Variants in COPG2 observed in about 807,000 individuals in gnomAD.
COPG2 encodes coatomer subunit gamma-2.
In COPG2, 37 loss-of-function variants were observed where a neutral mutation model predicts 46.3. The ratio of observed to expected loss-of-function variants is 0.80; its 90% CI spans 0.61 to 1.05. The LOEUF (loss-of-function observed/expected upper bound fraction) is 1.05, where lower values mean the gene tolerates loss of function less well. Ranked by LOEUF, COPG2 falls within the 50% of genes least tolerant of loss-of-function variation. The pLI, the probability that COPG2 is intolerant of heterozygous loss-of-function variation, is 0.00. For missense variants in COPG2, 427 were observed against 387.8 expected, an observed-to-expected ratio of 1.10 and a Z score of -0.85; for synonymous variants, 159 against 129.7, an observed-to-expected ratio of 1.23 and a Z score of -1.53.
At chr7:130,565,178 G>T (rs936379147) in intron 9 of COPG2, among the ~76,000 whole-genome samples, 4 of 152,222 alleles carry the variant, frequency 2.6e-5, no homozygotes, top group Non-Finnish European at 5.9e-5. Flanking sequence ...GCTTGACTCT[G>T]AGGCTCTGCA....
intron 5 of COPG2, among the ~76,000 whole-genome samples, chr7:130,629,687 C>T (rs973770433): frequency 6.6e-6 from 1 of 152,018 alleles, no homozygotes; most frequent in Non-Finnish European, 1.5e-5. Flanking sequence ...TGCGCCACCA[C>T]GCCTAGCCCT....
chr7:130,613,218 T>C (rs1454243668), intron 7 of COPG2, among the ~76,000 whole-genome samples: 2 of 152,062 alleles, frequency 1.3e-5, no homozygotes, highest in Non-Finnish European at 2.9e-5. Context: ...GATCCCTGCA[T>C]GCGCAGCTCA....
chr7:130,606,238 GA>G (rs1554451218), intron 9 of COPG2, among the ~76,000 whole-genome samples: 1 of 124,906 alleles, frequency 8.0e-6, no homozygotes, highest in African/African-American at 3.0e-5. Context: ...ATAAAAAAAA[GA>G]AAGAGAGAGA....
chr7:130,577,717 C>T (rs1794033189), intron 9 of COPG2, among the ~76,000 whole-genome samples: 1 of 146,514 alleles, frequency 6.8e-6, no homozygotes, highest in African/African-American at 2.6e-5. Flanking sequence ...GCCGAGATTG[C>T]GCCACTGCAG....
chr7:130,583,025 C>T (rs1411893079), intron 9 of COPG2, among the ~76,000 whole-genome samples: 1 of 151,318 alleles, frequency 6.6e-6, no homozygotes, highest in African/African-American at 2.4e-5. Context: ...ACAAATCATG[C>T]TGCTATAAAG....
chr7:130,513,341 A>ATATATGTGTG (rs1215646008), intron 20 of COPG2, among the ~76,000 whole-genome samples: 3 of 51,552 alleles, frequency 5.8e-5, no homozygotes, highest in Non-Finnish European at 1.3e-4. Context: ...ATATATATAT[A>ATATATGTGTG]TGTGTGTGTG....
intron 5 of COPG2, among the ~76,000 whole-genome samples, chr7:130,618,814 T>G (rs1563061212): frequency 1.3e-5 from 2 of 152,168 alleles, no homozygotes; most frequent in African/African-American, 2.4e-5. Context: ...TTCATGACAG[T>G]TCCTCCTCAT....
chr7:130,532,225 C>T (rs1799833381), intron 20 of COPG2, among the ~76,000 whole-genome samples: 1 of 152,192 alleles, frequency 6.6e-6, no homozygotes, highest in East Asian at 1.9e-4. Context: ...GCTGCAAAGG[C>T]AATGGGACCA....
At chr7:130,531,904 T>C (rs1799830025) in intron 20 of COPG2, among the ~76,000 whole-genome samples, 2 of 152,044 alleles carry the variant, frequency 1.3e-5, no homozygotes, top group African/African-American at 2.4e-5. Flanking sequence ...TATCCAATCA[T>C]CTGAGGGGTA....
In COPG2 at chr7:130,555,126, C is replaced by T. The variant is rs906325870; in HGVS notation, c.1135G>A (p.Val379Ile). ...CAGAGAGCACTAATTGCCTGTACAA[C>T]CACCACCTGTAGAAAAACAAAAAGA... ...SEISDEFKVV[V>I]VQAISALCQK... Residue 379 changes from valine to isoleucine, a missense_variant, in exon 13 of 24, where the codon GTT becomes ATT. Transcript: ENST00000425248. 4.3e-5 allele frequency: 17 copies of T among 398,422 alleles called. No homozygotes were observed. Among genetic ancestry groups the T allele is most frequent in the African/African-American group, 3.1e-4 (15 of 48,710 alleles). The allele number at this position is 398,422 out of a possible 1,614,324, so 24.7% of individuals were successfully genotyped here.
At chr7:130,650,074 T>C (rs1322724875) in intron 5 of COPG2, among the ~76,000 whole-genome samples, 5 of 152,196 alleles carry the variant, frequency 3.3e-5, no homozygotes, top group African/African-American at 9.7e-5. Flanking sequence ...ACCACATTCC[T>C]TGACTCATGG....
chr7:130,590,720 G>A (rs1377912064), intron 9 of COPG2, among the ~76,000 whole-genome samples: 44 of 142,080 alleles, frequency 3.1e-4, no homozygotes, highest in African/African-American at 9.6e-4. Context: ...GCCGCCCATC[G>A]TCTGGGATGT....
intron 9 of COPG2, among the ~76,000 whole-genome samples, chr7:130,576,919 G>A (rs1049566901): frequency 6.6e-5 from 10 of 152,072 alleles, no homozygotes; most frequent in African/African-American, 2.2e-4. Context: ...ATTAAGAAAC[G>A]AAACAGAAGA....
intron 20 of COPG2, among the ~76,000 whole-genome samples, chr7:130,530,569 T>C (rs1319844189): frequency 6.6e-6 from 1 of 152,104 alleles, no homozygotes; most frequent in Non-Finnish European, 1.5e-5. Context: ...CACATCCCTA[T>C]GGAGAAGAGA....
At chr7:130,557,575 G>A (rs1292606152) in intron 12 of COPG2, among the ~76,000 whole-genome samples, 1 of 151,816 alleles carries the variant, frequency 6.6e-6, no homozygotes, top group African/African-American at 2.4e-5. Flanking sequence ...GGGAGGTCGA[G>A]GCGGGTGGAT....
At chr7:130,531,582 ACT>A (rs1799825757) in intron 20 of COPG2, among the ~76,000 whole-genome samples, 2 of 151,994 alleles carry the variant, frequency 1.3e-5, no homozygotes, top group African/African-American at 2.4e-5. Context: ...TGAAAGAACA[ACT>A]CTCACAAAGA....
At chr7:130,605,652 A>G in intron 9 of COPG2, 1 of 489,388 alleles carries the variant, frequency 2.0e-6, no homozygotes, top group Non-Finnish European at 4.1e-6. Context: ...CTCCAGCTGA[A>G]AGCCAGCAAG....
intron 4 of COPG2, 81 bp downstream of exon 4, chr7:130,662,886 T>C (rs962252930): frequency 7.6e-6 from 6 of 787,224 alleles, no homozygotes; most frequent in Non-Finnish European, 1.1e-5. Context: ...CAATGCTCCC[T>C]AATTTAGAAC....
intron 4 of COPG2, among the ~76,000 whole-genome samples, chr7:130,659,190 C>A (rs1554460287): frequency 6.6e-6 from 1 of 151,512 alleles, no homozygotes; most frequent in East Asian, 2.0e-4. Context: ...CCCGTCTCTA[C>A]TAAAAATACA....
Sources: gnomAD v4.1 joint callset for allele counts (sites outside exome capture counted in the v4.1 genomes callset) on GRCh38, gnomAD v4.1.1 for gene constraint, MANE v1.5 for transcripts, NCBI Gene and HGNC (gene_info 2026-07-23, HGNC 2026-07-21) for gene names.